Variants in ZNF320 observed in about 807,000 individuals in gnomAD.
The protein encoded by ZNF320 is zinc finger protein 320.
ZNF320 carries 2 observed loss-of-function variants against 6.8 expected under a neutral mutation model. The ratio of observed to expected loss-of-function variants is 0.29; its 90% CI spans 0.12 to 0.93. The LOEUF (loss-of-function observed/expected upper bound fraction) is 0.93, where lower values mean the gene tolerates loss of function less well. ZNF320 is among the 40% of genes least tolerant of loss of function. ZNF320 has a pLI of 0.55. For missense variants in ZNF320, 472 were observed against 611.0 expected (o/e 0.77, Z 2.40); for synonymous variants, 208 against 203.2 (o/e 1.02, Z -0.20).
chr19:52,867,062 G>A (rs990627402), intron 5 of ZNF320, among the ~76,000 whole-genome samples: 1 of 151,388 alleles, frequency 6.6e-6, no homozygotes, highest in Non-Finnish European at 1.5e-5. Flanking sequence ...GATAAACTGG[G>A]ATCAGAGAAA....
At position 52,890,948 on chromosome 19, in the gene ZNF320, C is replaced by T. The variant is rs560709447; in HGVS notation, c.-74+281G>A. Among the ~76,000 whole-genome samples the T allele has an allele frequency of 2.0e-5, 3 of 151,990 alleles. No homozygotes were observed. In the East Asian group the frequency reaches 5.8e-4, roughly 29 times the overall value. Reference sequence around the variant, plus strand: ...GGTGGATTACTTGAGGTCAGGAGTTCTAGACCAGCCTGGCCAACATGGTGA... The same window carrying T: ...GGTGGATTACTTGAGGTCAGGAGTTTTAGACCAGCCTGGCCAACATGGTGA... On this transcript the variant is annotated intron_variant, in intron 3 of 5. Coordinates refer to ENST00000682928, the MANE Select transcript of ZNF320 (RefSeq NM_001351774.2).
chr19:52,866,375 G>A (rs904967254), intron 5 of ZNF320, among the ~76,000 whole-genome samples: 2 of 151,586 alleles, frequency 1.3e-5, no homozygotes, highest in African/African-American at 4.9e-5. Flanking sequence ...CCTCCTGCAG[G>A]AACCCTCCAC....
At chr19:52,865,506 ATATT>A (rs1367018888) in intron 5 of ZNF320, 2 of 137,628 alleles carry the variant, frequency 1.5e-5, no homozygotes, top group Admixed American at 7.8e-5. Flanking sequence ...TTATACATAT[ATATT>A]TATATATTAT....
At chr19:52,885,834 A>T (rs1028211803) in intron 5 of ZNF320, among the ~76,000 whole-genome samples, 2 of 152,100 alleles carry the variant, frequency 1.3e-5, no homozygotes, top group African/African-American at 4.8e-5. Context: ...TGAACCGGGG[A>T]GGTGGAGGTT....
intron 2 of ZNF320, among the ~76,000 whole-genome samples, chr19:52,891,616 G>A (rs1053635817): frequency 2.0e-5 from 3 of 152,164 alleles, no homozygotes; most frequent in Admixed American, 6.5e-5. Flanking sequence ...GGCGGAGGGA[G>A]TCATTAGATT....
the ZNF320 span, among the ~76,000 whole-genome samples, chr19:52,903,150 T>A: frequency 6.6e-6 from 1 of 152,234 alleles, no homozygotes; most frequent in African/African-American, 2.4e-5. Flanking sequence ...CATAAAAAAA[T>A]TTTTTAAAGC....
downstream of ZNF320, among the ~76,000 whole-genome samples, chr19:52,860,471 T>A (rs1226788821): frequency 1.3e-5 from 2 of 151,634 alleles, no homozygotes; most frequent in Non-Finnish European, 2.9e-5. Context: ...TGGGGGCACA[T>A]GTCTGTAATC....
intron 5 of ZNF320, among the ~76,000 whole-genome samples, chr19:52,868,952 C>T (rs2063629894): frequency 6.6e-6 from 1 of 151,966 alleles, no homozygotes; most frequent in African/African-American, 2.4e-5. Flanking sequence ...GGGAGGGGCT[C>T]ACGGGGAAAT....
downstream of ZNF320, chr19:52,876,080 A>T (rs2147794044): frequency 6.6e-6 from 1 of 152,318 alleles, no homozygotes; most frequent in South Asian, 2.1e-4. Flanking sequence ...ATCTGCAAAG[A>T]ATATTATGGA....
At chr19:52,865,822 CAT>C (rs1213131458) in intron 5 of ZNF320, among the ~76,000 whole-genome samples, 3 of 113,120 alleles carry the variant, frequency 2.7e-5, no homozygotes, top group East Asian at 2.5e-4. Flanking sequence ...TGATTATACA[CAT>C]ATATTTATAT....
At chr19:52,867,183 TTAATTA>T (rs2063591608) in intron 5 of ZNF320, among the ~76,000 whole-genome samples, 1 of 151,718 alleles carries the variant, frequency 6.6e-6, no homozygotes, top group Non-Finnish European at 1.5e-5. Context: ...AATTAATTAA[TTAATTA>T]ATTTATTTAT....
Position 52,880,910 on chromosome 19 carries a change from G to A in ZNF320, c.1216C>T (p.Leu406Phe), listed in dbSNP as rs747302514. The A allele has an allele frequency of 5.6e-6, 9 of 1,613,120 alleles. No homozygotes were observed. Among genetic ancestry groups the A allele is most frequent in the Non-Finnish European group, 7.6e-6 (9 of 1,179,434 alleles). The stretch of plus-strand genomic sequence containing the variant: ...TCGTAAAGTTTCTCTCCAGTATGAA[G>A]TTTTTGATGACATGCGAGGTACGCT... ...TKAYLACHQK[L>F]HTGEKLYECE... The change falls in exon 6 of 6, where the codon CTT becomes TTT. Residue 406 changes from leucine (L) to phenylalanine (F), a missense_variant. By Grantham distance (22) the Leu-to-Phe change is conservative. Transcript: ENST00000682928.
chr19:52,872,392 G>T (rs527850801), downstream of ZNF320, among the ~76,000 whole-genome samples: 6 of 152,326 alleles, frequency 3.9e-5, no homozygotes, highest in African/African-American at 7.2e-5. Flanking sequence ...ACTGAGAAAA[G>T]AAATAAGACA....
At chr19:52,868,097 C>T (rs977944114) in intron 5 of ZNF320, among the ~76,000 whole-genome samples, 7 of 152,178 alleles carry the variant, frequency 4.6e-5, no homozygotes, top group Non-Finnish European at 8.8e-5. Flanking sequence ...GGAAAAGGAG[C>T]ATGTCATCAT....
chr19:52,892,708 T>TCC (rs1568729218), intron 2 of ZNF320, among the ~76,000 whole-genome samples: 5 of 148,120 alleles, frequency 3.4e-5, no homozygotes, highest in East Asian at 1.9e-4. Context: ...CTCCCATCTC[T>TCC]GTGCATCCTC....
chr19:52,862,053 T>C (rs188682754), exon 6 of ZNF320: 76 of 381,000 alleles, frequency 2.0e-4, no homozygotes, highest in Non-Finnish European at 2.7e-4. Context: ...CTGCAAGTTA[T>C]GAACGATGTC....
upstream of ZNF320, among the ~76,000 whole-genome samples, chr19:52,901,350 T>A (rs553122628): frequency 6.6e-6 from 1 of 152,264 alleles, no homozygotes; most frequent in South Asian, 2.1e-4. Flanking sequence ...AAGTCTAAAT[T>A]TTAAGGAAAA....
At chr19:52,872,343 C>G (rs2063694400), downstream of ZNF320, among the ~76,000 whole-genome samples, 1 of 152,204 alleles carries the variant, frequency 6.6e-6, no homozygotes, top group South Asian at 2.1e-4. Context: ...GCCTGCCCCT[C>G]CACACCTGTG....
At chr19:52,860,823 G>A (rs73576565), downstream of ZNF320, among the ~76,000 whole-genome samples, 62 of 152,148 alleles carry the variant, frequency 4.1e-4, no homozygotes, top group African/African-American at 1.3e-3. Flanking sequence ...TAAGGACTAC[G>A]TCTTGCTAGT....
Sources: gnomAD v4.1 joint callset for allele counts (sites outside exome capture counted in the v4.1 genomes callset) on GRCh38, gnomAD v4.1.1 for gene constraint, MANE v1.5 for transcripts, NCBI Gene and HGNC (gene_info 2026-07-23, HGNC 2026-07-21) for gene names.